The following ATP2B2 variants were observed in gnomAD, a reference collection of about 807,000 sequenced individuals.
The protein encoded by ATP2B2 is plasma membrane calcium-transporting ATPase 2.
In ATP2B2, 15 loss-of-function variants were observed where a neutral mutation model predicts 120.0. The ratio of observed to expected loss-of-function variants is 0.12; its 90% CI spans 0.08 to 0.19. The LOEUF is 0.19. Among genes scored for constraint, ATP2B2 ranks in the 10% least tolerant of loss-of-function variants. The probability of loss-of-function intolerance (pLI) is 1.00; values close to 1 mark genes in which losing one functional copy is unlikely to be tolerated. For synonymous variants in ATP2B2, 694 were observed against 700.3 expected, an observed-to-expected ratio of 0.99 and a Z score of 0.14; for missense variants, 1,045 against 1,719.8, an observed-to-expected ratio of 0.61 and a Z score of 6.94.
At chr3:10,604,522 G>C (rs761805677) in intron 2 of ATP2B2, among the ~76,000 whole-genome samples, 9 of 152,204 alleles carry the variant, frequency 5.9e-5, no homozygotes, top group Non-Finnish European at 8.8e-5. Context: ...ACAGAGTCTG[G>C]AATCCATAGC....
chr3:10,608,966 C>T (rs114635100), intron 2 of ATP2B2, among the ~76,000 whole-genome samples: 1 of 152,172 alleles, frequency 6.6e-6, no homozygotes, highest in African/African-American at 2.4e-5. Context: ...AGTCCTATAA[C>T]CCCCTTGCCT....
intron 2 of ATP2B2, among the ~76,000 whole-genome samples, chr3:10,415,849 T>A (rs1282948437): frequency 6.6e-6 from 1 of 151,992 alleles, no homozygotes; most frequent in East Asian, 1.9e-4. Context: ...CTATGTGGGG[T>A]TGTAGGCTTT....
chr3:10,564,225 A>T (rs1489695314), intron 2 of ATP2B2, among the ~76,000 whole-genome samples: 1 of 152,226 alleles, frequency 6.6e-6, no homozygotes, highest in Admixed American at 6.5e-5. Flanking sequence ...ATAGGCTGGC[A>T]GCAACCTTCT....
At chr3:10,563,972 T>G (rs553137324) in intron 2 of ATP2B2, among the ~76,000 whole-genome samples, 46 of 152,324 alleles carry the variant, frequency 3.0e-4, no homozygotes, top group Admixed American at 2.9e-3. Flanking sequence ...GGAACTCAGT[T>G]CCACCTTGTA....
At chr3:10,583,787 A>T (rs963554207) in intron 2 of ATP2B2, among the ~76,000 whole-genome samples, 3 of 152,140 alleles carry the variant, frequency 2.0e-5, no homozygotes, top group African/African-American at 7.2e-5. Flanking sequence ...TGCCGGTTGC[A>T]CCCTGTTTCC....
chr3:10,332,322 G>A lies in ATP2B2; in HGVS notation c.3421-3197C>T, dbSNP rs573650295. ...GCGTCCAGAATGTGGCTTGGACCTG[G>A]CTTATGGGGCTGGCTCTTGGCTTGG... On this transcript the variant is annotated intron_variant, in intron 22 of 22. Transcript: ENST00000360273. The A allele has an allele frequency of 1.5e-3, 644 of 418,318 alleles. 4 individuals are homozygous for A. Among genetic ancestry groups the A allele is most frequent in the African/African-American group, 0.011 (558 of 51,574 alleles). The allele number at this position is 418,318 out of a possible 1,614,324, so 25.9% of individuals were successfully genotyped here. A position where few individuals can be genotyped will look rare whatever the true frequency, so the allele number is the denominator to read the frequency against.
At chr3:10,503,676 C>T (rs896812291) in intron 1 of ATP2B2, among the ~76,000 whole-genome samples, 1 of 152,244 alleles carries the variant, frequency 6.6e-6, no homozygotes, top group African/African-American at 2.4e-5. Flanking sequence ...TGACATTCAC[C>T]TGTGGGCACA....
chr3:10,453,131 G>A (rs117541789), intron 1 of ATP2B2, among the ~76,000 whole-genome samples: 4 of 152,346 alleles, frequency 2.6e-5, no homozygotes, highest in East Asian at 1.9e-4. Context: ...GCTGCAAGGC[G>A]TTATGCATAG....
intron 3 of ATP2B2, among the ~76,000 whole-genome samples, chr3:10,404,878 T>G (rs1575134953): frequency 6.6e-6 from 1 of 152,296 alleles, no homozygotes; most frequent in South Asian, 2.1e-4. Context: ...CCATGCTGCA[T>G]TTTACAAGAC....
intron 1 of ATP2B2, among the ~76,000 whole-genome samples, chr3:10,496,683 G>C (rs2066163179): frequency 6.6e-6 from 1 of 151,040 alleles, no homozygotes; most frequent in Admixed American, 6.6e-5. Context: ...CTCCAACCCC[G>C]CCCCTTCCCC....
At chr3:10,429,110 C>A (rs1356152369) in intron 2 of ATP2B2, among the ~76,000 whole-genome samples, 3 of 152,166 alleles carry the variant, frequency 2.0e-5, no homozygotes, top group Non-Finnish European at 4.4e-5. Flanking sequence ...CCCCACCTCC[C>A]AGCCTTTGCC....
intron 2 of ATP2B2, among the ~76,000 whole-genome samples, chr3:10,556,248 C>T (rs2067776520): frequency 6.6e-6 from 1 of 152,132 alleles, no homozygotes; most frequent in African/African-American, 2.4e-5. Context: ...CCAGGTTCTC[C>T]AGGCCAGGGA....
At chr3:10,567,078 C>A (rs912107033) in intron 2 of ATP2B2, among the ~76,000 whole-genome samples, 8 of 152,228 alleles carry the variant, frequency 5.3e-5, no homozygotes, top group African/African-American at 1.9e-4. Flanking sequence ...CTCACCATAA[C>A]TGGGGAGACC....
chr3:10,613,440 C>G (rs887209637), intron 2 of ATP2B2, among the ~76,000 whole-genome samples: 10 of 152,080 alleles, frequency 6.6e-5, no homozygotes, highest in Non-Finnish European at 1.2e-4. Flanking sequence ...TGGTAGTTGG[C>G]ATCTAAGTGG....
Position 10,329,273 on chromosome 3 carries a change from T to C in ATP2B2, c.3421-148A>G. The C allele has an allele frequency of 1.3e-6, 1 of 796,262 alleles. No homozygotes were observed. The highest frequency in any genetic ancestry group is 2.1e-6 in the Non-Finnish European group (1 of 470,362). The allele number at this position is 796,262 out of a possible 1,614,324, so 49.3% of individuals were successfully genotyped here. The stretch of plus-strand genomic sequence containing the variant: ...CTGGGTGTTATTAGCATTGACAGGA[T>C]GGGGGAGAGTGAAAAAGGGGGCTCA... On this transcript the variant is annotated intron_variant, in intron 22 of 22. Transcript: ENST00000360273. The surrounding 1 kb of genome is among the most constrained non-coding windows in gnomAD (Gnocchi z 5.9).
chr3:10,629,349 A>G (rs1351498965), intron 1 of ATP2B2, among the ~76,000 whole-genome samples: 1 of 148,954 alleles, frequency 6.7e-6, no homozygotes, highest in African/African-American at 2.6e-5. Context: ...ATCTGGGTAT[A>G]TACATTATCT....
chr3:10,592,234 G>A (rs933456784), intron 2 of ATP2B2, among the ~76,000 whole-genome samples: 4 of 152,232 alleles, frequency 2.6e-5, no homozygotes, highest in African/African-American at 9.6e-5. Context: ...TAATAGTATT[G>A]AGTGAATACT....
chr3:10,662,993 C>T (rs971343887), intron 1 of ATP2B2, among the ~76,000 whole-genome samples: 9 of 148,718 alleles, frequency 6.1e-5, no homozygotes, highest in East Asian at 2.0e-4. Context: ...ATCACAAGGA[C>T]GAAAAACCAA....
chr3:10,580,790 C>A (rs2068371481), intron 2 of ATP2B2, among the ~76,000 whole-genome samples: 1 of 152,212 alleles, frequency 6.6e-6, no homozygotes, highest in African/African-American at 2.4e-5. Flanking sequence ...CCAACCACAG[C>A]CTGTGGCCAC....
Sources: allele counts gnomAD v4.1 joint callset (sites outside exome capture counted in the v4.1 genomes callset), GRCh38; gene constraint gnomAD v4.1.1; non-coding constraint Gnocchi (gnomAD v3.1); transcripts MANE v1.5; gene names NCBI Gene and HGNC (gene_info 2026-07-23, HGNC 2026-07-21).